Variants in KIFC3 observed in about 807,000 individuals in gnomAD.
KIFC3 encodes kinesin family member C3, also known as kinesin-like protein KIFC3.
Under a neutral mutation model 101.8 loss-of-function variants are expected in KIFC3, and 60 were observed. That is an observed-to-expected ratio of 0.59 (90% CI 0.48 to 0.73). KIFC3 has a LOEUF of 0.73. KIFC3 is among the 30% of genes least tolerant of loss of function. The probability of loss-of-function intolerance (pLI) is 0.00; values close to 1 mark genes in which losing one functional copy is unlikely to be tolerated. For missense variants in KIFC3, 966 were observed against 1,137.1 expected, an observed-to-expected ratio of 0.85 and a Z score of 2.16; for synonymous variants, 476 against 482.7, an observed-to-expected ratio of 0.99 and a Z score of 0.18.
At position 57,761,400 on chromosome 16, in the gene KIFC3, C is replaced by G; in HGVS notation, c.1872+13G>C. On this transcript the variant is annotated intron_variant, in intron 14 of 19. Transcript: ENST00000445690. ...AGCAGTGTGGCTGTGGTCAGGGGCT[C>G]CCGCCTCCACACCTTGTTGATGTCG... is the stretch of plus-strand genomic sequence containing the variant. The G allele has an allele frequency of 6.2e-7, 1 of 1,613,900 alleles. No homozygotes were observed. The highest frequency in any genetic ancestry group is 2.2e-5 in the East Asian group (1 of 44,876).
chr16:57,762,518 G>A (rs1419954661), intron 12 of KIFC3, among the ~76,000 whole-genome samples: 2 of 152,224 alleles, frequency 1.3e-5, no homozygotes, highest in Admixed American at 6.5e-5. Flanking sequence ...GCACTGGGAT[G>A]AGGGGCCTGG....
intron 9 of KIFC3, among the ~76,000 whole-genome samples, chr16:57,767,638 T>C (rs1303910578): frequency 2.6e-5 from 4 of 152,132 alleles, no homozygotes; most frequent in Non-Finnish European, 5.9e-5. Context: ...TCCTCCCATA[T>C]ACTTTATTTT....
Position 57,769,751 on chromosome 16 carries a change from C to T in KIFC3, c.1088-26G>A, listed in dbSNP as rs372984645. 6.3e-5 allele frequency: 102 copies of T among 1,612,344 alleles called. No individual in the cohort carries two copies. Among genetic ancestry groups the T allele is most frequent in the South Asian group, 4.7e-4 (43 of 91,036 alleles). On this transcript the variant is annotated intron_variant, in intron 8 of 19. Coordinates refer to ENST00000445690, the MANE Select transcript of KIFC3 (RefSeq NM_001130100.2). This position sits in a 1 kb window ranked among gnomAD's most constrained non-coding sequence, Gnocchi z 4.3. The stretch of plus-strand genomic sequence containing the variant: ...CTATGGGGACACTCGGGCTGTGAGG[C>T]GGGAGGGGATGAGGGGCCGCGGCGT...
At chr16:57,829,407 C>A (rs1197669961) in intron 1 of KIFC3, among the ~76,000 whole-genome samples, 1 of 151,980 alleles carries the variant, frequency 6.6e-6, no homozygotes, top group Non-Finnish European at 1.5e-5. Flanking sequence ...GCGTGTGCCA[C>A]CATATCTAGC....
chr16:57,811,918 CAAA>C (rs533115992), intron 1 of KIFC3, among the ~76,000 whole-genome samples: 179 of 107,776 alleles, frequency 1.7e-3, no homozygotes, highest in Admixed American at 1.6e-3. Context: ...GACTCCGTCT[CAAA>C]AAAAAAAAAA....
At chr16:57,774,774 G>A (rs1411503843) in intron 3 of KIFC3, 8 of 836,262 alleles carry the variant, frequency 9.6e-6, no homozygotes, top group African/African-American at 7.1e-5. Flanking sequence ...CAGTCTTCCC[G>A]CCTCAGCCTC....
At chr16:57,859,853 C>T (rs1398127033) in intron 1 of KIFC3, among the ~76,000 whole-genome samples, 1 of 151,424 alleles carries the variant, frequency 6.6e-6, no homozygotes. Context: ...GAAACCTTGT[C>T]TCTACTAAAA....
At chr16:57,817,817 T>C (rs1424000352) in intron 1 of KIFC3, among the ~76,000 whole-genome samples, 1 of 150,194 alleles carries the variant, frequency 6.7e-6, no homozygotes, top group African/African-American at 2.4e-5. Context: ...ATAAGACTGA[T>C]ATTGCTTTTA....
chr16:57,769,608 C>T lies in KIFC3; in HGVS notation c.1205G>A (p.Ser402Asn), dbSNP rs2050903811. The stretch of plus-strand genomic sequence containing the variant: ...GCCCTCGCTCACCTCGGCCTTGACA[C>T]TCCTGAGGGCCTCCTGCAGCAGCAG... ...FPLLLQEALR[S>N]VKAEIGQAIE... Residue 402 changes from serine (S) to asparagine (N), a missense_variant, in exon 9 of 20, where the codon AGT becomes AAT. Around this residue, in one of 2 missense-constraint regions of KIFC3, gnomAD observed 689 missense variants for 884.6 expected, o/e 0.78. Coordinates refer to ENST00000445690, the MANE Select transcript of KIFC3 (RefSeq NM_001130100.2). This position sits in a 1 kb window ranked among gnomAD's most constrained non-coding sequence, Gnocchi z 4.3. 1.9e-6 allele frequency: 3 copies of T among 1,610,636 alleles called. No homozygotes were observed. The highest frequency in any genetic ancestry group is 1.3e-5 in the African/African-American group (1 of 74,854).
intron 3 of KIFC3, among the ~76,000 whole-genome samples, chr16:57,779,188 G>A (rs2052447211): frequency 1.3e-5 from 2 of 152,166 alleles, no homozygotes; most frequent in African/African-American, 4.8e-5. Flanking sequence ...CCCATGGATG[G>A]ATGAATGGAA....
chr16:57,767,143 G>C (rs1390142137), intron 9 of KIFC3, among the ~76,000 whole-genome samples, 158 bp from the exon 10 acceptor site: 1 of 152,198 alleles, frequency 6.6e-6, no homozygotes, highest in Admixed American at 6.5e-5. Flanking sequence ...CTCTGGGTAG[G>C]TACTGCTACC....
intron 1 of KIFC3, among the ~76,000 whole-genome samples, chr16:57,800,851 T>C (rs2054678036): frequency 6.6e-6 from 1 of 152,190 alleles, no homozygotes; most frequent in African/African-American, 2.4e-5. Flanking sequence ...GCATCTGAGA[T>C]GAAACCTGGT....
Position 57,768,509 on chromosome 16 carries a change from T to TCTCACACACACACACA in KIFC3, c.1218+1085_1218+1086insTGTGTGTGTGTGTGAG, listed in dbSNP as rs147198668. On this transcript the variant is annotated intron_variant, in intron 9 of 19. Transcript: ENST00000445690. ...TGGGGGAAGGGCCTACCATATATTCTCACACACACACACACACACACACAC... is the reference window on the plus strand; with the variant it reads ...TGGGGGAAGGGCCTACCATATATTCTCTCACACACACACACACACACACACACACACACACACACAC... 7.3e-4 allele frequency among the ~76,000 whole-genome samples: 101 copies of TCTCACACACACACACA among 139,124 alleles called. 1 individual carries two copies. Among genetic ancestry groups the TCTCACACACACACACA allele is most frequent in the African/African-American group, 2.4e-3 (87 of 36,366 alleles). The allele number at this position is 139,124 out of a possible 152,430, so 91.3% of individuals were successfully genotyped here.
chr16:57,787,983 C>T (rs1434670423), intron 3 of KIFC3, among the ~76,000 whole-genome samples: 2 of 152,238 alleles, frequency 1.3e-5, no homozygotes, highest in African/African-American at 2.4e-5. Context: ...CCATTATCAC[C>T]AGGCTCTCGC....
intron 3 of KIFC3, among the ~76,000 whole-genome samples, chr16:57,782,577 C>T (rs782095477): frequency 2.0e-5 from 3 of 152,220 alleles, no homozygotes; most frequent in Non-Finnish European, 4.4e-5. Flanking sequence ...GTCGGGCCCT[C>T]CAGAGTATCT....
intron 1 of KIFC3, among the ~76,000 whole-genome samples, chr16:57,821,281 G>T (rs1381084866): frequency 6.6e-6 from 1 of 152,168 alleles, no homozygotes; most frequent in African/African-American, 2.4e-5. Context: ...AGCGAAGAGG[G>T]GTGGCTGGGC....
intron 1 of KIFC3, among the ~76,000 whole-genome samples, chr16:57,841,525 G>C (rs1437953120): frequency 6.6e-6 from 1 of 152,138 alleles, no homozygotes; most frequent in African/African-American, 2.4e-5. Flanking sequence ...AAATTAGCCA[G>C]GCCTGGTGGC....
In KIFC3 at chr16:57,761,413, C is replaced by T; in HGVS notation, c.1872G>A (p.Lys624=). 6.2e-7 allele frequency: 1 copy of T among 1,614,016 alleles called. No homozygotes were observed. The highest frequency in any genetic ancestry group is 8.5e-7 in the Non-Finnish European group (1 of 1,179,932). The change falls in exon 14 of 20, where the codon AAG becomes AAA. Residue 624 remains lysine, a splice_region_variant and synonymous_variant. Coordinates refer to ENST00000445690, the MANE Select transcript of KIFC3 (RefSeq NM_001130100.2). ...TGGTCAGGGGCTCCCGCCTCCACACCTTGTTGATGTCGTCCACGCTCTGCA... is the reference window on the plus strand; with the variant it reads ...TGGTCAGGGGCTCCCGCCTCCACACTTTGTTGATGTCGTCCACGCTCTGCA... ...FQVQSVDDIN[K]VFEFGHTNRT... is the part of the protein sequence containing the mutation.
intron 1 of KIFC3, among the ~76,000 whole-genome samples, chr16:57,827,374 G>A (rs1568091622): frequency 6.6e-6 from 1 of 152,238 alleles, no homozygotes; most frequent in East Asian, 1.9e-4. Context: ...CCAGACAGCT[G>A]AGGGCCCTGG....
Sources: gnomAD v4.1 joint callset for allele counts (sites outside exome capture counted in the v4.1 genomes callset) on GRCh38, gnomAD v4.1.1 for gene constraint, gnomAD v4.1.1 regional missense constraint, Gnocchi (gnomAD v3.1) non-coding constraint, MANE v1.5 for transcripts, NCBI Gene and HGNC (gene_info 2026-07-23, HGNC 2026-07-21) for gene names.